The following LRRTM4 variants were observed in gnomAD, a reference collection of about 807,000 sequenced individuals.
The protein encoded by LRRTM4 is leucine rich repeat transmembrane neuronal 4.
Under a neutral mutation model 47.6 loss-of-function variants are expected in LRRTM4, and 25 were observed. That is an observed-to-expected ratio of 0.53 (90% CI 0.38 to 0.73). The LOEUF (loss-of-function observed/expected upper bound fraction) is 0.73, where lower values mean the gene tolerates loss of function less well. LRRTM4 is among the 30% of genes least tolerant of loss of function. The pLI is 0.00. For missense variants in LRRTM4, 638 were observed against 713.4 expected (o/e 0.89, Z 1.20); for synonymous variants, 311 against 269.5 (o/e 1.15, Z -1.51).
chr2:77,083,331 G>A (rs1680591922), intron 3 of LRRTM4, among the ~76,000 whole-genome samples: 1 of 152,150 alleles, frequency 6.6e-6, no homozygotes. Flanking sequence ...GAGGAGTGCT[G>A]ATGATTCTTT....
At chr2:77,064,151 A>G (rs1679880536) in intron 3 of LRRTM4, among the ~76,000 whole-genome samples, 1 of 152,142 alleles carries the variant, frequency 6.6e-6, no homozygotes, top group African/African-American at 2.4e-5. Context: ...TAACATTTTA[A>G]TCTCAAAACT....
chr2:76,839,783 C>T (rs542425161), intron 3 of LRRTM4, among the ~76,000 whole-genome samples: 3 of 151,906 alleles, frequency 2.0e-5, no homozygotes, highest in Admixed American at 6.6e-5. Context: ...ATTTAGGTAA[C>T]ATCTAAATAC....
In LRRTM4 at chr2:76,826,669, C is replaced by G. The variant is rs148913514; in HGVS notation, c.1552-77753G>C. The stretch of plus-strand genomic sequence containing the variant: ...ACTTAAGGAAAAAATAATAAAAACA[C>G]TTTGTGCCATTCAGAAGAAAGGTTT... On this transcript the variant is annotated intron_variant, in intron 3 of 3. Transcript: ENST00000409884. Among the ~76,000 whole-genome samples the G allele has an allele frequency of 3.2e-4, 48 of 151,808 alleles. 1 individual carries two copies. In the East Asian group the frequency reaches 8.9e-3, roughly 28 times the overall value.
At chr2:76,830,506 CAGTGTGTGCGTGTG>C (rs1330068828) in intron 3 of LRRTM4, among the ~76,000 whole-genome samples, 1 of 125,022 alleles carries the variant, frequency 8.0e-6, no homozygotes. Context: ...CTATGTGTGG[CAGTGTGTGCGTGTG>C]TGTGTGTGTG....
At chr2:77,215,511 AC>A (rs1234023665) in intron 3 of LRRTM4, among the ~76,000 whole-genome samples, 4 of 152,000 alleles carry the variant, frequency 2.6e-5, no homozygotes, top group Admixed American at 6.6e-5. Context: ...GAGAATTATG[AC>A]CTATTTTTTT....
intron 3 of LRRTM4, among the ~76,000 whole-genome samples, chr2:77,360,870 C>G (rs1381725637): frequency 6.6e-6 from 1 of 152,034 alleles, no homozygotes; most frequent in Non-Finnish European, 1.5e-5. Context: ...CCATTATTTT[C>G]CCTCAATATT....
At chr2:76,864,815 C>T (rs1030663615) in intron 3 of LRRTM4, among the ~76,000 whole-genome samples, 2 of 147,302 alleles carry the variant, frequency 1.4e-5, no homozygotes, top group East Asian at 4.1e-4. Context: ...CAGCTTCAAC[C>T]TCCCGGGCTC....
At chr2:77,283,268 A>G (rs1417534266) in intron 3 of LRRTM4, among the ~76,000 whole-genome samples, 2 of 152,118 alleles carry the variant, frequency 1.3e-5, no homozygotes, top group South Asian at 2.1e-4. Flanking sequence ...AACCAAAACC[A>G]CAATGACATA....
intron 3 of LRRTM4, among the ~76,000 whole-genome samples, chr2:77,379,983 G>A (rs1672989402): frequency 6.6e-6 from 1 of 151,982 alleles, no homozygotes; most frequent in South Asian, 2.1e-4. Context: ...CAATAAGAAG[G>A]CATATGTAGC....
At chr2:76,922,607 G>T (rs1674467639) in intron 3 of LRRTM4, among the ~76,000 whole-genome samples, 1 of 152,042 alleles carries the variant, frequency 6.6e-6, no homozygotes, top group Non-Finnish European at 1.5e-5. Flanking sequence ...GGATTGATAG[G>T]TGCCAAGGGC....
At chr2:77,111,842 T>C (rs190832015) in intron 3 of LRRTM4, among the ~76,000 whole-genome samples, 4 of 152,032 alleles carry the variant, frequency 2.6e-5, no homozygotes, top group Non-Finnish European at 5.9e-5. Context: ...GAAAAAAAAA[T>C]TGTATGCTAA....
At chr2:77,404,875 GT>G (rs886287924) in intron 3 of LRRTM4, among the ~76,000 whole-genome samples, 2 of 151,962 alleles carry the variant, frequency 1.3e-5, no homozygotes, top group African/African-American at 4.8e-5. Flanking sequence ...TAGAGTAAAA[GT>G]TTTTTTAAAA....
At chr2:77,074,489 G>C (rs1339103188) in intron 3 of LRRTM4, among the ~76,000 whole-genome samples, 1 of 151,972 alleles carries the variant, frequency 6.6e-6, no homozygotes, top group Non-Finnish European at 1.5e-5. Flanking sequence ...ACTGAAGGCT[G>C]AATATTCAAC....
chr2:77,155,398 A>G lies in LRRTM4; in HGVS notation c.1551+362920T>C, dbSNP rs182403627. On this transcript the variant is annotated intron_variant, in intron 3 of 3. Coordinates refer to ENST00000409884, the MANE Select transcript of LRRTM4 (RefSeq NM_001134745.3). ...CACTGAAATGATCGAAATATAAAGCATGTATTTCCTAATCCAGTCTGCATT... is the reference window on the plus strand; with the variant it reads ...CACTGAAATGATCGAAATATAAAGCGTGTATTTCCTAATCCAGTCTGCATT... Among the ~76,000 whole-genome samples the G allele has an allele frequency of 5.1e-3, 772 of 152,072 alleles. 2 individuals are homozygous for G. The highest frequency in any genetic ancestry group is 0.017 in the African/African-American group (707 of 41,546).
chr2:76,758,688 G>A (rs1246740775), intron 3 of LRRTM4, among the ~76,000 whole-genome samples: 1 of 152,140 alleles, frequency 6.6e-6, no homozygotes, highest in Non-Finnish European at 1.5e-5. Context: ...CTGGATCCCT[G>A]CCATAGAGTG....
In LRRTM4 at chr2:77,265,467, T is replaced by C. The variant is rs371267764; in HGVS notation, c.1551+252851A>G. Among the ~76,000 whole-genome samples, 342 of 152,242 alleles carry C rather than the reference T, an allele frequency of 2.2e-3. 1 individual carries two copies. The highest frequency in any genetic ancestry group is 7.5e-3 in the South Asian group (36 of 4,822). On this transcript the variant is annotated intron_variant, in intron 3 of 3. Transcript: ENST00000409884. ...TCTCTCTACCTTCCCGCTGCCCCTG[T>C]GCTGCCATCTTCCAAGTTATGATAC...
intron 3 of LRRTM4, among the ~76,000 whole-genome samples, chr2:77,212,257 G>C (rs995805195): frequency 7.1e-6 from 1 of 140,914 alleles, no homozygotes. Context: ...TATTTTGATA[G>C]AGTTTCTGAG....
At chr2:77,017,551 A>G (rs999446134) in intron 3 of LRRTM4, among the ~76,000 whole-genome samples, 26 of 152,300 alleles carry the variant, frequency 1.7e-4, no homozygotes, top group Admixed American at 1.0e-3. Context: ...AGTAGTGGCC[A>G]CATCTCTCAC....
chr2:77,498,529 T>C (rs1232103704), intron 3 of LRRTM4, among the ~76,000 whole-genome samples: 1 of 151,812 alleles, frequency 6.6e-6, no homozygotes, highest in South Asian at 2.1e-4. Context: ...ATACACATAA[T>C]AGGCAAACAA....
Sources: gnomAD v4.1 joint callset for allele counts (sites outside exome capture counted in the v4.1 genomes callset) on GRCh38, gnomAD v4.1.1 for gene constraint, MANE v1.5 for transcripts, NCBI Gene and HGNC (gene_info 2026-07-23, HGNC 2026-07-21) for gene names.